Variants in AGBL4 observed in about 807,000 individuals in gnomAD.
AGBL4 encodes the protein AGBL carboxypeptidase 4.
AGBL4 carries 58 observed loss-of-function variants against 66.4 expected under a neutral mutation model. That is an observed-to-expected ratio of 0.87 (90% CI 0.71 to 1.09). The LOEUF (loss-of-function observed/expected upper bound fraction) is 1.09. Ranked by LOEUF, AGBL4 falls within the 50% of genes least tolerant of loss-of-function variation. The pLI is 0.00. For synonymous variants in AGBL4, 234 were observed against 222.9 expected (o/e 1.05, Z -0.44); for missense variants, 579 against 631.0 (o/e 0.92, Z 0.88).
intron 4 of AGBL4, among the ~76,000 whole-genome samples, chr1:49,089,344 T>G (rs1231504049): frequency 6.6e-6 from 1 of 151,508 alleles, no homozygotes; most frequent in African/African-American, 2.4e-5. Context: ...AGAAATAAGA[T>G]TGATAGACTG....
chr1:48,688,109 G>A (rs1646563940), intron 6 of AGBL4, among the ~76,000 whole-genome samples: 1 of 152,226 alleles, frequency 6.6e-6, no homozygotes, highest in Non-Finnish European at 1.5e-5. Context: ...AGGAAGCAAG[G>A]AAGAAGGAAG....
intron 1 of AGBL4, among the ~76,000 whole-genome samples, chr1:49,959,677 T>C (rs1656960493): frequency 1.3e-5 from 2 of 152,070 alleles, no homozygotes; most frequent in South Asian, 2.1e-4. Context: ...AGTCCCATTA[T>C]TGGGTATATA....
At chr1:49,803,315 A>G (rs2147953456) in intron 2 of AGBL4, among the ~76,000 whole-genome samples, 1 of 152,258 alleles carries the variant, frequency 6.6e-6, no homozygotes, top group Admixed American at 6.5e-5. Flanking sequence ...GCCTAGTCAT[A>G]TAACAGAGTT....
chr1:49,678,163 T>C (rs1646617533), intron 3 of AGBL4, among the ~76,000 whole-genome samples: 1 of 152,192 alleles, frequency 6.6e-6, no homozygotes, highest in South Asian at 2.1e-4. Context: ...ATTCAAATTA[T>C]ATATTTCATG....
intron 6 of AGBL4, chr1:48,761,426 T>C (rs1053936054): frequency 2.6e-6 from 4 of 1,551,648 alleles, no homozygotes. Context: ...TTGGGGATTT[T>C]TATTTTCTTC....
At chr1:49,128,783 C>A (rs1569724988) in intron 4 of AGBL4, among the ~76,000 whole-genome samples, 1 of 151,538 alleles carries the variant, frequency 6.6e-6, no homozygotes, top group South Asian at 2.1e-4. Context: ...ACATAGGAAA[C>A]AAATTTTTGA....
At chr1:49,170,558 T>C (rs956453975) in intron 4 of AGBL4, among the ~76,000 whole-genome samples, 1 of 146,298 alleles carries the variant, frequency 6.8e-6, no homozygotes, top group African/African-American at 2.5e-5. Flanking sequence ...TATACAAATA[T>C]GTTTACATTT....
chr1:49,956,198 C>T (rs183429346), intron 1 of AGBL4, among the ~76,000 whole-genome samples: 2 of 151,552 alleles, frequency 1.3e-5, no homozygotes, highest in Admixed American at 1.3e-4. Context: ...TAAAATATAC[C>T]ATAGAATCTG....
At chr1:48,632,793 C>T (rs1367608073) in intron 9 of AGBL4, among the ~76,000 whole-genome samples, 1 of 152,226 alleles carries the variant, frequency 6.6e-6, no homozygotes, top group Non-Finnish European at 1.5e-5. Context: ...GGAAGTATTG[C>T]TATTCTATCA....
At chr1:49,564,131 T>C (rs960380844) in intron 3 of AGBL4, among the ~76,000 whole-genome samples, 1 of 152,226 alleles carries the variant, frequency 6.6e-6, no homozygotes, top group Non-Finnish European at 1.5e-5. Context: ...TGGTAGTTTG[T>C]ATCTCTGTGG....
intron 5 of AGBL4, among the ~76,000 whole-genome samples, chr1:48,956,055 T>C (rs1657424034): frequency 6.6e-6 from 1 of 152,258 alleles, no homozygotes; most frequent in African/African-American, 2.4e-5. Context: ...AAGGCTTGCC[T>C]TGGGCATTAG....
At chr1:48,614,273 A>G (rs1252576482) in intron 9 of AGBL4, among the ~76,000 whole-genome samples, 3 of 152,248 alleles carry the variant, frequency 2.0e-5, no homozygotes, top group African/African-American at 7.2e-5. Flanking sequence ...ATAAATGCCA[A>G]ATGAATCTCT....
chr1:49,971,907 GTTTTTTTTTTT>G (rs745772850), intron 1 of AGBL4, among the ~76,000 whole-genome samples: 4 of 23,428 alleles, frequency 1.7e-4, no homozygotes, highest in Non-Finnish European at 2.4e-4. Context: ...GTTTTTTTGG[GTTTTTTTTTTT>G]TTTTTTTTTT....
chr1:49,138,875 T>C (rs1367178077), intron 4 of AGBL4, among the ~76,000 whole-genome samples: 1 of 152,160 alleles, frequency 6.6e-6, no homozygotes, highest in Non-Finnish European at 1.5e-5. Context: ...AAGAACTACC[T>C]GAGACTAGGT....
At chr1:49,149,328 G>C (rs1385165281) in intron 4 of AGBL4, among the ~76,000 whole-genome samples, 1 of 152,102 alleles carries the variant, frequency 6.6e-6, no homozygotes, top group Non-Finnish European at 1.5e-5. Context: ...TGAATGTTGT[G>C]GTCTCTTGGG....
At chr1:49,306,278 G>T (rs1238971468) in intron 3 of AGBL4, among the ~76,000 whole-genome samples, 3 of 152,098 alleles carry the variant, frequency 2.0e-5, no homozygotes, top group African/African-American at 7.2e-5. Flanking sequence ...AAAGCTTAGG[G>T]ATTATTGGTT....
chr1:48,754,193 G>A (rs1215254763), intron 6 of AGBL4, among the ~76,000 whole-genome samples: 1 of 152,176 alleles, frequency 6.6e-6, no homozygotes, highest in African/African-American at 2.4e-5. Flanking sequence ...AGGGAATCTA[G>A]CTGAGGAGAA....
chr1:48,768,091 T>A (rs1035147758), intron 6 of AGBL4, among the ~76,000 whole-genome samples: 2 of 152,216 alleles, frequency 1.3e-5, no homozygotes, highest in African/African-American at 4.8e-5. Flanking sequence ...ATACAGGCCC[T>A]GTTCCTATCA....
rs371086751 is a variant in AGBL4, at chr1:48,626,762, A to T, written c.951+7731T>A. Among the ~76,000 whole-genome samples the T allele has an allele frequency of 3.3e-5, 5 of 152,316 alleles. 1 individual carries two copies. Among genetic ancestry groups the T allele is most frequent in the African/African-American group, 1.2e-4 (5 of 41,558 alleles). ...ACAGTTTCAGCTGCTCCCTGCAGGG[A>T]ACCTCTGGGATAATCAAGTCAGGAA... On this transcript the variant is annotated intron_variant, in intron 9 of 13. Transcript: ENST00000371839.
Sources: gnomAD v4.1 joint callset for allele counts (sites outside exome capture counted in the v4.1 genomes callset) on GRCh38, gnomAD v4.1.1 for gene constraint, MANE v1.5 for transcripts, NCBI Gene and HGNC (gene_info 2026-07-23, HGNC 2026-07-21) for gene names.